COG7: variants seen among roughly 807,000 people sequenced by gnomAD.
The protein encoded by COG7 is conserved oligomeric Golgi complex subunit 7.
In COG7, 49 loss-of-function variants were observed where a neutral mutation model predicts 91.5. That is an observed-to-expected ratio of 0.54 (90% CI 0.43 to 0.68). COG7 has a LOEUF of 0.68. Among genes scored for constraint, COG7 ranks in the 30% least tolerant of loss-of-function variants. The probability of loss-of-function intolerance (pLI) is 0.00; values close to 1 mark genes in which losing one functional copy is unlikely to be tolerated. For missense variants in COG7, 895 were observed against 961.3 expected (o/e 0.93, Z 0.91); for synonymous variants, 365 against 388.7 (o/e 0.94, Z 0.72).
At chr16:23,443,662 G>A (rs1964137177) in intron 3 of COG7, among the ~76,000 whole-genome samples, 1 of 151,728 alleles carries the variant, frequency 6.6e-6, no homozygotes, top group Non-Finnish European at 1.5e-5. Context: ...ACTGGACTCC[G>A]GCCTGGGCAA....
chr16:23,393,391 G>A (rs775459656), intron 14 of COG7, 44 bp from the exon 15 acceptor site: 11 of 1,440,740 alleles, frequency 7.6e-6, no homozygotes, highest in South Asian at 2.3e-5. Flanking sequence ...TGACACATAC[G>A]GGTTATTACT....
rs1038439686 is a variant in COG7 at position 23,453,045 on chromosome 16, C to A, written c.-51G>T. 6.2e-6 allele frequency: 10 copies of A among 1,610,408 alleles called. No homozygotes were observed. The highest frequency in any genetic ancestry group is 4.0e-5 in the African/African-American group (3 of 74,874). ...CCAGAACTTAAGAGTTGGCTCCGGG[C>A]GGCAACGGGGATGCAGAAGCGAGCG... On this transcript the variant is annotated 5_prime_UTR_variant, in exon 1 of 17. Transcript: ENST00000307149.
In COG7 at chr16:23,388,624, C is replaced by CT. The variant is rs567617218; in HGVS notation, c.*295dup. 0.016 allele frequency: 2,469 copies of CT among 155,666 alleles called. 44 individuals carry two copies. Among genetic ancestry groups the CT allele is most frequent in the East Asian group, 0.032 (182 of 5,606 alleles). 9.6% of individuals were successfully genotyped at this position (155,666 alleles called of 1,614,324 possible). On this transcript the variant is annotated 3_prime_UTR_variant, in exon 17 of 17. Coordinates refer to ENST00000307149, the MANE Select transcript of COG7 (RefSeq NM_153603.4). ...TTTTGATTATACAAATGAACCAAGT[C>CT]TTTTTTTTTTTTTTTTTTGAGACAG...
intron 10 of COG7, 152 bp downstream of exon 10, chr16:23,413,296 T>C (rs1357070441): frequency 7.3e-6 from 5 of 685,312 alleles, no homozygotes; most frequent in African/African-American, 1.8e-5. Flanking sequence ...TATTGGTTTG[T>C]GTTTAGAGTC....
chr16:23,406,083 G>C lies in COG7; in HGVS notation c.1655C>G (p.Thr552Ser). 1.9e-6 allele frequency: 3 copies of C among 1,613,154 alleles called. No homozygotes were observed. Among genetic ancestry groups the C allele is most frequent in the Non-Finnish European group, 2.5e-6 (3 of 1,179,128 alleles). ...ATTCATTTGGTCTCATACCTTAAGGGTATAAAGTATTTCCATTAAACTGGC... is the reference window on the plus strand; with the variant it reads ...ATTCATTTGGTCTCATACCTTAAGGCTATAAAGTATTTCCATTAAACTGGC... ...EYASLMEILY[T>S]LKEKGSSNHN... The change falls in exon 12 of 17, where the codon ACC becomes AGC. Residue 552 changes from threonine (T) to serine (S), a missense_variant. Thr to Ser is a moderately conservative substitution (Grantham distance 58, BLOSUM62 1). Transcript: ENST00000307149.
chr16:23,403,636 T>TA, intron 13 of COG7, 58 bp downstream of exon 13: 1 of 1,594,824 alleles, frequency 6.3e-7, no homozygotes, highest in East Asian at 2.2e-5. Context: ...CCACACTCAG[T>TA]ATGCTTGAGT....
intron 1 of COG7, 48 bp downstream of exon 1, chr16:23,452,778 A>T (rs1396788672): frequency 6.3e-7 from 1 of 1,575,518 alleles, no homozygotes; most frequent in Non-Finnish European, 8.6e-7. Flanking sequence ...ACCTCTGCCC[A>T]GCCGAGAGCA....
intron 1 of COG7, among the ~76,000 whole-genome samples, chr16:23,449,939 T>G (rs1164789472): frequency 1.3e-5 from 2 of 151,844 alleles, no homozygotes. Context: ...TATATCATTA[T>G]TATTATTATT....
chr16:23,410,125 T>C (rs1963538371), intron 11 of COG7, among the ~76,000 whole-genome samples, 170 bp downstream of exon 11: 1 of 152,136 alleles, frequency 6.6e-6, no homozygotes, highest in African/African-American at 2.4e-5. Flanking sequence ...AGGTGCTCAA[T>C]AAACGTTTAA....
Position 23,453,167 on chromosome 16 carries a change from G to A in COG7, c.-173C>T, listed in dbSNP as rs1465889031. ...TGCGCTTCCCCGCTCAGCGCACTCA[G>A]TTTGCGGCTGGGAATGACCCTCGCC... On this transcript the variant is annotated 5_prime_UTR_variant, in exon 1 of 17. Transcript: ENST00000307149. 7.8e-6 allele frequency: 11 copies of A among 1,404,532 alleles called. No homozygotes were observed. Among genetic ancestry groups the A allele is most frequent in the Non-Finnish European group, 1.0e-5 (11 of 1,070,924 alleles). 87.0% of individuals were successfully genotyped at this position (1,404,532 alleles called of 1,614,324 possible). A position where few individuals can be genotyped will look rare whatever the true frequency, so the allele number is the denominator to read the frequency against.
chr16:23,392,172 T>G, intron 16 of COG7: 1 of 1,454,112 alleles, frequency 6.9e-7, no homozygotes, highest in Non-Finnish European at 9.0e-7. Context: ...TTCGAAAACA[T>G]AGATGTCTGA....
chr16:23,392,271 C>A, intron 16 of COG7, 109 bp downstream of exon 16: 1 of 1,558,294 alleles, frequency 6.4e-7, no homozygotes, highest in Non-Finnish European at 8.7e-7. Flanking sequence ...AAATCCACAG[C>A]TGAAGCTAAG....
chr16:23,400,264 T>G (rs1963352393), intron 13 of COG7, among the ~76,000 whole-genome samples: 2 of 149,684 alleles, frequency 1.3e-5, no homozygotes, highest in African/African-American at 4.9e-5. Flanking sequence ...AAAATTGGGG[T>G]GGGGGGCAGA....
intron 9 of COG7, 113 bp downstream of exon 9, chr16:23,416,854 C>T (rs537723626): frequency 8.2e-6 from 10 of 1,214,524 alleles, no homozygotes; most frequent in South Asian, 7.7e-5. Flanking sequence ...CTCTTGGGTT[C>T]AGGTGCAAGT....
At chr16:23,425,091 C>G in intron 6 of COG7, 144 bp from the exon 7 acceptor site, 1 of 707,670 alleles carries the variant, frequency 1.4e-6, no homozygotes, top group East Asian at 2.7e-5. Flanking sequence ...AGGTGGATCA[C>G]TTGAAGCCAG....
At chr16:23,414,974 G>C (rs973101239) in intron 9 of COG7, 1 of 152,274 alleles carries the variant, frequency 6.6e-6, no homozygotes, top group African/African-American at 2.4e-5. Flanking sequence ...CAAAAGGTCA[G>C]TCCATGCAGT....
chr16:23,436,903 A>T (rs1345584665), intron 4 of COG7, among the ~76,000 whole-genome samples: 2 of 152,162 alleles, frequency 1.3e-5, no homozygotes, highest in Non-Finnish European at 2.9e-5. Flanking sequence ...AGCCAGGAAA[A>T]TATCTGTACT....
At chr16:23,439,163 A>C (rs941219484) in intron 4 of COG7, among the ~76,000 whole-genome samples, 3 of 148,360 alleles carry the variant, frequency 2.0e-5, no homozygotes, top group Non-Finnish European at 3.0e-5. Flanking sequence ...GTCTCCAAAA[A>C]AAAAAAAAAA....
At chr16:23,403,092 A>C (rs1892033551) in intron 13 of COG7, among the ~76,000 whole-genome samples, 2 of 152,260 alleles carry the variant, frequency 1.3e-5, no homozygotes, top group Admixed American at 1.3e-4. Flanking sequence ...GATCTGGAGC[A>C]GGGGAAAGAC....
Sources: allele counts gnomAD v4.1 joint callset (sites outside exome capture counted in the v4.1 genomes callset), GRCh38; gene constraint gnomAD v4.1.1; transcripts MANE v1.5; gene names NCBI Gene and HGNC (gene_info 2026-07-23, HGNC 2026-07-21).